LAMA1: variants seen among roughly 807,000 people sequenced by gnomAD.
LAMA1 encodes laminin subunit alpha-1.
In LAMA1, 219 loss-of-function variants were observed where a neutral mutation model predicts 348.7. The ratio of observed to expected loss-of-function variants is 0.63; its 90% confidence interval spans 0.56 to 0.70. LAMA1 has a LOEUF of 0.70. LAMA1 is among the 30% of genes least tolerant of loss of function. LAMA1 has a pLI of 0.00. For synonymous variants in LAMA1, 1,487 were observed against 1,491.0 expected (o/e 1.00, Z 0.06); for missense variants, 3,744 against 3,888.0 (o/e 0.96, Z 0.99).
chr18:7,096,017 G>A (rs1598317333), intron 1 of LAMA1, among the ~76,000 whole-genome samples: 2 of 152,244 alleles, frequency 1.3e-5, no homozygotes, highest in East Asian at 3.9e-4. Context: ...GCAGTGAGCC[G>A]AGATCGCGCC....
rs935151935 is a variant in LAMA1 at position 6,978,127 on chromosome 18, G to A, written c.6190+69C>T. 4.4e-6 allele frequency: 7 copies of A among 1,586,154 alleles called. No homozygotes were observed. In the African/African-American group the frequency reaches 8.1e-5, roughly 18 times the overall value. On this transcript the variant is annotated intron_variant, in intron 43 of 62. Transcript: ENST00000389658. ...GGAATGTTGTGAAAAACGCACCACT[G>A]TGTGCTTAGCTAGCTCCACGTCTGC...
intron 1 of LAMA1, among the ~76,000 whole-genome samples, chr18:7,098,755 C>T (rs2058276329): frequency 4.6e-5 from 6 of 131,756 alleles, no homozygotes; most frequent in South Asian, 2.6e-4. Flanking sequence ...CCACCCCGTC[C>T]AGGAGGTGAG....
intron 3 of LAMA1, 200 bp downstream of exon 3, chr18:7,079,775 C>A: frequency 1.7e-6 from 1 of 600,514 alleles, no homozygotes; most frequent in East Asian, 2.9e-5. Flanking sequence ...ACCCATCTCC[C>A]TGAAGACACC....
intron 1 of LAMA1, among the ~76,000 whole-genome samples, chr18:7,116,693 A>G (rs2058357782): frequency 6.6e-6 from 1 of 152,196 alleles, no homozygotes; most frequent in Non-Finnish European, 1.5e-5. Context: ...GTGACTGCCT[A>G]GCCAACACGA....
intron 53 of LAMA1, 200 bp from the exon 54 acceptor site, chr18:6,959,692 T>C (rs1355323246): frequency 1.7e-5 from 10 of 598,170 alleles, no homozygotes; most frequent in Admixed American, 7.6e-5. Flanking sequence ...TTCTGCATTA[T>C]GCTATTATTG....
chr18:6,957,876 G>C (rs1460962910), intron 55 of LAMA1, among the ~76,000 whole-genome samples: 2 of 152,010 alleles, frequency 1.3e-5, no homozygotes, highest in Non-Finnish European at 2.9e-5. Context: ...CGCCTCCCGG[G>C]TTCAAGTGAT....
At chr18:7,072,934 C>G (rs777086161) in intron 3 of LAMA1, among the ~76,000 whole-genome samples, 1 of 152,168 alleles carries the variant, frequency 6.6e-6, no homozygotes, top group Non-Finnish European at 1.5e-5. Context: ...TGCCCAGCAG[C>G]GGCCCTCTGC....
Position 6,948,967 on chromosome 18 carries a change from C to A in LAMA1, c.8556+134G>T, listed in dbSNP as rs1014235495. 2.5e-5 allele frequency: 29 copies of A among 1,175,724 alleles called. No homozygotes were observed. In the African/African-American group the frequency reaches 4.3e-4, roughly 17 times the overall value. 72.8% of individuals were successfully genotyped at this position (1,175,724 alleles called of 1,614,324 possible). On this transcript the variant is annotated intron_variant, in intron 59 of 62. Transcript: ENST00000389658. Reference sequence around the variant, plus strand: ...GGCACACGATCTGTGGACATGCCTGCAAAGTAAACCTCTTCACAAGCCCCA... The same window carrying A: ...GGCACACGATCTGTGGACATGCCTGAAAAGTAAACCTCTTCACAAGCCCCA...
intron 1 of LAMA1, among the ~76,000 whole-genome samples, chr18:7,088,516 T>C (rs780755796): frequency 2.6e-5 from 4 of 151,940 alleles, no homozygotes; most frequent in Non-Finnish European, 5.9e-5. Flanking sequence ...TATTTATTAT[T>C]ATTATTATTT....
chr18:6,986,220 C>T lies in LAMA1; in HGVS notation c.5296G>A (p.Ala1766Thr). 1.2e-6 allele frequency: 2 copies of T among 1,614,202 alleles called. No individual in the cohort carries two copies. The highest frequency in any genetic ancestry group is 1.7e-6 in the Non-Finnish European group (2 of 1,180,044). Residue 1766 changes from alanine (A) to threonine (T), a missense_variant, in exon 37 of 63, where the codon GCG becomes ACG. Around this residue, in one of 3 missense-constraint regions of LAMA1, gnomAD observed 1,983 missense variants for 1,934.3 expected, o/e 1.03. Transcript: ENST00000389658. Reference protein sequence around the residue: ...KHNNELKAAEALVREAEAKMQ... With the variant: ...KHNNELKAAETLVREAEAKMQ... Reference sequence around the variant, plus strand: ...TTTGCCTCAGCTTCCCTCACGAGCGCCTCAGCCGCCTTTAGTTCATTGTTG... The same window carrying T: ...TTTGCCTCAGCTTCCCTCACGAGCGTCTCAGCCGCCTTTAGTTCATTGTTG...
Position 7,023,046 on chromosome 18 carries a change from T to G in LAMA1, c.2701+118A>C. The G allele has an allele frequency of 2.8e-6, 3 of 1,055,078 alleles. No homozygotes were observed. In the South Asian group the frequency reaches 4.6e-5, roughly 16 times the overall value. The allele number at this position is 1,055,078 out of a possible 1,614,324, so 65.4% of individuals were successfully genotyped here. On this transcript the variant is annotated intron_variant, in intron 19 of 62. Coordinates refer to ENST00000389658, the MANE Select transcript of LAMA1 (RefSeq NM_005559.4). Reference sequence around the variant, plus strand: ...ATCAGAGACCCAGCATTAATGCAAGTAACCCCTCAAGAGAGTGTGACCTCC... The same window carrying G: ...ATCAGAGACCCAGCATTAATGCAAGGAACCCCTCAAGAGAGTGTGACCTCC...
intron 53 of LAMA1, chr18:6,960,775 G>C (rs1215327755): frequency 6.6e-6 from 1 of 151,768 alleles, no homozygotes; most frequent in Non-Finnish European, 1.5e-5. Context: ...CTGCAAACTT[G>C]TGTTCCAGTC....
rs371370535 is a variant in LAMA1, at chr18:6,982,477, C to T, written c.5890+20G>A. 45 of 1,607,444 alleles carry T rather than the reference C, an allele frequency of 2.8e-5. No individual in the cohort carries two copies. Among genetic ancestry groups the T allele is most frequent in the South Asian group, 2.4e-4 (22 of 90,956 alleles). On this transcript the variant is annotated intron_variant, in intron 41 of 62. Coordinates refer to ENST00000389658, the MANE Select transcript of LAMA1 (RefSeq NM_005559.4). ...TCACGCTCACTCTGCCTGTCTACAC[C>T]GTCCGAGCCACATACTGACCTGGAA...
chr18:7,097,550 T>A (rs1002132598), intron 1 of LAMA1, among the ~76,000 whole-genome samples: 1 of 139,726 alleles, frequency 7.2e-6, no homozygotes, highest in Admixed American at 7.9e-5. Flanking sequence ...CAATTGGAAA[T>A]ACAAATGACC....
intron 3 of LAMA1, among the ~76,000 whole-genome samples, chr18:7,078,151 T>TTTTTA (rs1318268827): frequency 1.9e-4 from 28 of 150,278 alleles, no homozygotes; most frequent in African/African-American, 4.6e-4. Flanking sequence ...TTTTTTTTGT[T>TTTTTA]TTTTATTTTA....
Position 7,003,933 on chromosome 18 carries a change from T to A in LAMA1, c.4261-1548A>T, listed in dbSNP as rs1342880424. ...CTACCTGACCTCTCAAACTCATCTC[T>A]CTGTAGAAGTAAAATTTGTAATCTC... On this transcript the variant is annotated intron_variant, in intron 29 of 62. Coordinates refer to ENST00000389658, the MANE Select transcript of LAMA1 (RefSeq NM_005559.4). 2.0e-5 allele frequency among the ~76,000 whole-genome samples: 3 copies of A among 152,234 alleles called. No individual in the cohort carries two copies. The East Asian group carries it at 5.8e-4, about 29-fold the overall frequency.
intron 16 of LAMA1, among the ~76,000 whole-genome samples, chr18:7,028,610 C>A (rs2057954766): frequency 6.6e-6 from 1 of 152,292 alleles, no homozygotes; most frequent in East Asian, 1.9e-4. Flanking sequence ...GGCTAACAAT[C>A]CAGGCTGTAG....
At chr18:7,045,071 T>G (rs535929175) in intron 6 of LAMA1, among the ~76,000 whole-genome samples, 1 of 150,494 alleles carries the variant, frequency 6.6e-6, no homozygotes, top group East Asian at 1.9e-4. Context: ...ACGACTTAGC[T>G]AATAAAAACT....
chr18:7,065,301 T>TG (rs1453340406), intron 3 of LAMA1, among the ~76,000 whole-genome samples: 2 of 149,020 alleles, frequency 1.3e-5, no homozygotes, highest in Non-Finnish European at 3.0e-5. Flanking sequence ...CAGAGGGGTG[T>TG]GGGGGAATTC....
Sources: gnomAD v4.1 joint callset for allele counts (sites outside exome capture counted in the v4.1 genomes callset) on GRCh38, gnomAD v4.1.1 for gene constraint, gnomAD v4.1.1 regional missense constraint, MANE v1.5 for transcripts, NCBI Gene and HGNC (gene_info 2026-07-23, HGNC 2026-07-21) for gene names.